Variants in CSMD3 observed in about 807,000 individuals in gnomAD.
CSMD3 encodes CUB and sushi domain-containing protein 3.
A neutral mutation model predicts 435.2 loss-of-function variants in CSMD3; 177 were observed. The observed-to-expected ratio is 0.41, with a 90% CI of 0.36 to 0.46. CSMD3 has a LOEUF of 0.46. CSMD3 is among the 20% of genes least tolerant of loss of function. The pLI is 0.34. For synonymous variants in CSMD3, 1,656 were observed against 1,520.5 expected, an observed-to-expected ratio of 1.09 and a Z score of -2.07; for missense variants, 4,265 against 4,504.6, an observed-to-expected ratio of 0.95 and a Z score of 1.52.
intron 13 of CSMD3, among the ~76,000 whole-genome samples, chr8:112,726,466 C>T (rs899474231): frequency 2.9e-4 from 44 of 151,610 alleles, no homozygotes; most frequent in African/African-American, 1.1e-3. Flanking sequence ...TTATGAAGAG[C>T]AGGAAATGGA....
In CSMD3 at chr8:113,212,655, G is replaced by A. The variant is rs954943798; in HGVS notation, c.515-38739C>T. Among the ~76,000 whole-genome samples the A allele has an allele frequency of 3.3e-5, 5 of 151,596 alleles. No homozygotes were observed. In the South Asian group the frequency reaches 6.2e-4, roughly 19 times the overall value. ...TCACAAGGACAAAAAACCAAACACC[G>A]CATGTTCTCACTCATAGGTGGGAAT... is the stretch of plus-strand genomic sequence containing the variant. On this transcript the variant is annotated intron_variant, in intron 3 of 70. Transcript: ENST00000297405.
At chr8:112,745,735 A>T (rs902139263) in intron 13 of CSMD3, among the ~76,000 whole-genome samples, 5 of 151,786 alleles carry the variant, frequency 3.3e-5, no homozygotes, top group African/African-American at 1.2e-4. Flanking sequence ...TACTACTGAA[A>T]AAGTTTAGAG....
At chr8:113,090,445 A>T (rs2089965195) in intron 5 of CSMD3, among the ~76,000 whole-genome samples, 2 of 152,200 alleles carry the variant, frequency 1.3e-5, no homozygotes, top group East Asian at 3.8e-4. Flanking sequence ...GTTCTCAATT[A>T]TTAAAACCTT....
At chr8:113,008,145 T>C (rs1177094866) in intron 6 of CSMD3, among the ~76,000 whole-genome samples, 1 of 151,866 alleles carries the variant, frequency 6.6e-6, no homozygotes, top group African/African-American at 2.4e-5. Flanking sequence ...ACAGTCAGAA[T>C]TTTGTTGAAG....
At chr8:112,483,856 G>A (rs1819864547) in intron 31 of CSMD3, among the ~76,000 whole-genome samples, 3 of 152,126 alleles carry the variant, frequency 2.0e-5, no homozygotes, top group Admixed American at 1.3e-4. Context: ...TCACTCTCTA[G>A]GAGAAGTTCA....
intron 22 of CSMD3, among the ~76,000 whole-genome samples, chr8:112,613,850 TG>T (rs2131481901): frequency 6.6e-6 from 1 of 152,256 alleles, no homozygotes; most frequent in East Asian, 1.9e-4. Context: ...AGGCCAGGCA[TG>T]GTGGCTCATG....
At chr8:112,495,034 A>G (rs1821197735) in intron 30 of CSMD3, among the ~76,000 whole-genome samples, 1 of 152,192 alleles carries the variant, frequency 6.6e-6, no homozygotes, top group Non-Finnish European at 1.5e-5. Context: ...TTTCTTTCAC[A>G]TAAAATATTC....
chr8:113,112,042 G>C (rs1224438154), intron 4 of CSMD3, among the ~76,000 whole-genome samples: 1 of 151,660 alleles, frequency 6.6e-6, no homozygotes, highest in East Asian at 1.9e-4. Flanking sequence ...CTAATCCCTG[G>C]CAATCATTTA....
intron 27 of CSMD3, among the ~76,000 whole-genome samples, chr8:112,538,467 A>C (rs1186803960): frequency 6.6e-6 from 1 of 152,124 alleles, no homozygotes; most frequent in East Asian, 1.9e-4. Flanking sequence ...ATTCAACCAA[A>C]ATGTTGTTAG....
chr8:112,651,534 C>T (rs1403718795), intron 18 of CSMD3, among the ~76,000 whole-genome samples: 2 of 151,110 alleles, frequency 1.3e-5, no homozygotes, highest in South Asian at 2.1e-4. Flanking sequence ...TTCTAAGCAC[C>T]CAGTGCATTT....
intron 1 of CSMD3, among the ~76,000 whole-genome samples, chr8:113,385,782 T>A (rs923647176): frequency 2.0e-5 from 3 of 152,062 alleles, no homozygotes; most frequent in African/African-American, 7.2e-5. Flanking sequence ...TTAAAGTTTA[T>A]GGCAGGGATG....
intron 27 of CSMD3, among the ~76,000 whole-genome samples, chr8:112,529,146 A>G (rs1825279435): frequency 6.6e-6 from 1 of 152,096 alleles, no homozygotes; most frequent in African/African-American, 2.4e-5. Flanking sequence ...CTAAGCATCC[A>G]ATGCCCCAAC....
chr8:112,738,134 G>T (rs1386995263), intron 13 of CSMD3, among the ~76,000 whole-genome samples: 1 of 151,678 alleles, frequency 6.6e-6, no homozygotes, highest in Non-Finnish European at 1.5e-5. Flanking sequence ...GAGGTGGGGG[G>T]AAGAAATATT....
chr8:113,066,190 T>C (rs1031147374), intron 5 of CSMD3, among the ~76,000 whole-genome samples: 4 of 151,478 alleles, frequency 2.6e-5, no homozygotes, highest in African/African-American at 9.7e-5. Flanking sequence ...GTTTGGTATA[T>C]TGTGCTATAG....
intron 5 of CSMD3, among the ~76,000 whole-genome samples, chr8:113,077,319 A>C (rs2089382959): frequency 6.6e-6 from 1 of 152,122 alleles, no homozygotes; most frequent in Non-Finnish European, 1.5e-5. Flanking sequence ...TAAAATGTAA[A>C]AACACTCTAA....
chr8:112,696,501 C>A (rs574279609), intron 13 of CSMD3, among the ~76,000 whole-genome samples: 5 of 152,124 alleles, frequency 3.3e-5, no homozygotes, highest in African/African-American at 9.6e-5. Context: ...ATAAATGGTG[C>A]TGGGAAAACT....
intron 1 of CSMD3, among the ~76,000 whole-genome samples, chr8:113,412,759 T>A (rs2094564962): frequency 6.6e-6 from 1 of 152,076 alleles, no homozygotes; most frequent in African/African-American, 2.4e-5. Context: ...TTTGCCTGCA[T>A]GAACGATTGT....
At chr8:112,858,902 A>G (rs2080743668) in intron 11 of CSMD3, among the ~76,000 whole-genome samples, 1 of 151,906 alleles carries the variant, frequency 6.6e-6, no homozygotes, top group South Asian at 2.1e-4. Context: ...TATCTCAGAA[A>G]GCATTCATTT....
chr8:112,230,481 C>CA (rs1272277267), intron 69 of CSMD3, among the ~76,000 whole-genome samples: 6 of 151,982 alleles, frequency 3.9e-5, no homozygotes, highest in African/African-American at 1.2e-4. Context: ...TGTAAAAGTT[C>CA]AAAATTTTTT....
Sources: allele counts gnomAD v4.1 joint callset (sites outside exome capture counted in the v4.1 genomes callset), GRCh38; gene constraint gnomAD v4.1.1; transcripts MANE v1.5; gene names NCBI Gene and HGNC (gene_info 2026-07-23, HGNC 2026-07-21).